The following TRAK1 variants were observed in gnomAD, a reference collection of about 807,000 sequenced individuals.
TRAK1 encodes the protein trafficking kinesin protein 1, also known as trafficking kinesin-binding protein 1.
A neutral mutation model predicts 92.1 loss-of-function variants in TRAK1; 33 were observed. The ratio of observed to expected loss-of-function variants is 0.36; its 90% CI spans 0.27 to 0.48. TRAK1 has a LOEUF of 0.48. Ranked by LOEUF, TRAK1 falls within the 20% of genes least tolerant of loss-of-function variation. TRAK1 has a pLI of 0.99. For synonymous variants in TRAK1, 521 were observed against 517.3 expected, an observed-to-expected ratio of 1.01 and a Z score of -0.10; for missense variants, 1,123 against 1,257.9, an observed-to-expected ratio of 0.89 and a Z score of 1.62.
At chr3:42,162,578 T>C (rs1388076223) in intron 2 of TRAK1, among the ~76,000 whole-genome samples, 1 of 152,208 alleles carries the variant, frequency 6.6e-6, no homozygotes, top group Non-Finnish European at 1.5e-5. Context: ...CAACAGTTCC[T>C]TTCCTGTAAT....
At chr3:42,167,692 A>T (rs1702040383) in intron 2 of TRAK1, among the ~76,000 whole-genome samples, 1 of 152,192 alleles carries the variant, frequency 6.6e-6, no homozygotes, top group South Asian at 2.1e-4. Flanking sequence ...CATCCTGGCT[A>T]ACATGATGAA....
chr3:42,024,891 C>G (rs954527594), intron 1 of TRAK1, among the ~76,000 whole-genome samples: 1 of 152,134 alleles, frequency 6.6e-6, no homozygotes, highest in African/African-American at 2.4e-5. Context: ...GTGAGAGATC[C>G]CAGATTTTTC....
At chr3:42,030,845 A>T (rs1165432808) in intron 1 of TRAK1, among the ~76,000 whole-genome samples, 9 of 151,058 alleles carry the variant, frequency 6.0e-5, no homozygotes, top group African/African-American at 2.2e-4. Context: ...GAAGTAGTGG[A>T]TGAAGAAGGA....
chr3:42,093,593 T>A (rs919464642), intron 1 of TRAK1, among the ~76,000 whole-genome samples: 2 of 150,502 alleles, frequency 1.3e-5, no homozygotes, highest in Non-Finnish European at 3.0e-5. Context: ...TTGAAACAAA[T>A]TTTTTTCTCT....
rs58499768 is a variant in TRAK1 at position 42,176,780 on chromosome 3, T to C, written c.287-34T>C. On this transcript the variant is annotated intron_variant, in intron 2 of 15. Transcript: ENST00000327628. The stretch of plus-strand genomic sequence containing the variant: ...TCATTTGTTTGGCAGGTTTGTGACA[T>C]TGGGAGTCTCATTGTCATTTTTATT... The C allele has an allele frequency of 1.2e-3, 1,865 of 1,579,074 alleles. 15 individuals are homozygous for C. The African/African-American group carries it at 0.023, about 19-fold the overall frequency.
At chr3:42,218,685 C>T (rs1274340653) in intron 14 of TRAK1, 2 of 985,202 alleles carry the variant, frequency 2.0e-6, no homozygotes, top group East Asian at 2.3e-4. Context: ...TCTTCAGCCA[C>T]CTCAGCAATA....
chr3:42,146,060 T>C, intron 2 of TRAK1: 5 of 446,430 alleles, frequency 1.1e-5, no homozygotes, highest in South Asian at 9.0e-5. Context: ...TTGGTTCTTC[T>C]GAGTAAGAAA....
intron 1 of TRAK1, among the ~76,000 whole-genome samples, chr3:42,072,104 G>A (rs1440142374): frequency 2.0e-5 from 3 of 152,322 alleles, no homozygotes; most frequent in East Asian, 3.9e-4. Context: ...TCAGGCTGGC[G>A]TCGTGCCCCT....
At chr3:42,086,298 C>T (rs569341440), upstream of TRAK1, among the ~76,000 whole-genome samples, 4 of 141,710 alleles carry the variant, frequency 2.8e-5, no homozygotes, top group South Asian at 6.6e-4. Flanking sequence ...TCATCAGATT[C>T]TTCTTTTTCT....
chr3:42,051,494 A>G (rs1165711578), intron 1 of TRAK1: 1 of 152,212 alleles, frequency 6.6e-6, no homozygotes, highest in East Asian at 1.9e-4. Context: ...ATGCCTTCTC[A>G]TTTTCCACCA....
In TRAK1 at chr3:42,224,246, G is replaced by A. The variant is rs1710622993; in HGVS notation, c.*509G>A. The A allele has an allele frequency of 2.8e-6, 1 of 352,704 alleles. No homozygotes were observed. The highest frequency in any genetic ancestry group is 1.1e-4 in the East Asian group (1 of 9,456). 21.8% of individuals were successfully genotyped at this position (352,704 alleles called of 1,614,324 possible). A position where few individuals can be genotyped will look rare whatever the true frequency, so the allele number is the denominator to read the frequency against. ...TCCTCAGCCACGTGCAGCTGACGTG[G>A]CTTTCCTGATCGGAGGGCTTTTCTT... On this transcript the variant is annotated 3_prime_UTR_variant, in exon 16 of 16. Coordinates refer to ENST00000327628, the MANE Select transcript of TRAK1 (RefSeq NM_001042646.3).
At chr3:42,152,284 C>T (rs1700050198) in intron 2 of TRAK1, among the ~76,000 whole-genome samples, 1 of 152,084 alleles carries the variant, frequency 6.6e-6, no homozygotes, top group South Asian at 2.1e-4. Flanking sequence ...GGTTGATTAC[C>T]CAGTGTCTTC....
intron 2 of TRAK1, among the ~76,000 whole-genome samples, chr3:42,151,993 G>A (rs1700012199): frequency 6.6e-6 from 1 of 152,192 alleles, no homozygotes; most frequent in East Asian, 1.9e-4. Flanking sequence ...TGCAGTGTTA[G>A]CACTGAAAAA....
At position 42,169,671 on chromosome 3, in the gene TRAK1, CAAA is replaced by C. The variant is rs10710580; in HGVS notation, c.287-7129_287-7127del. On this transcript the variant is annotated intron_variant, in intron 2 of 15. Transcript: ENST00000327628. Reference sequence around the variant, plus strand: ...GAGCAACAAGAGCAAAACTCCATCTCAAAAAAAAAAAAAAAAGTGGGGATAAAA... The same window carrying C: ...GAGCAACAAGAGCAAAACTCCATCTCAAAAAAAAAAAAAGTGGGGATAAAA... 6.5e-4 allele frequency among the ~76,000 whole-genome samples: 91 copies of C among 139,836 alleles called. No individual in the cohort carries two copies. In the South Asian group the frequency reaches 0.01, roughly 16 times the overall value. The allele number at this position is 139,836 out of a possible 152,430, so 91.7% of individuals were successfully genotyped here.
chr3:42,088,943 G>A (rs1010164777), upstream of TRAK1, among the ~76,000 whole-genome samples: 4 of 152,022 alleles, frequency 2.6e-5, no homozygotes, highest in Non-Finnish European at 4.4e-5. Context: ...TTTTAAAATC[G>A]CCTTCTGTAC....
chr3:42,115,857 A>G (rs1424646808), intron 1 of TRAK1, among the ~76,000 whole-genome samples: 1 of 152,142 alleles, frequency 6.6e-6, no homozygotes, highest in South Asian at 2.1e-4. Flanking sequence ...GTGGAGTCGG[A>G]GGTCTTGCTT....
At position 42,023,727 on chromosome 3, in the gene TRAK1, TTGACGTGC is replaced by T. The variant is rs556732208; in HGVS notation, c.-519+9612_-519+9619del. On this transcript the variant is annotated intron_variant, in intron 1 of 16. Transcript: ENST00000487159. The stretch of plus-strand genomic sequence containing the variant: ...GGGTCTTGTTTTGAATGTGCTGAGT[TTGACGTGC>T]TCGTGAGGGTTTTTTTTTTTTTTTT... 8.0e-3 allele frequency among the ~76,000 whole-genome samples: 1,210 copies of T among 150,674 alleles called. 12 individuals are homozygous for T. The highest frequency in any genetic ancestry group is 0.014 in the Non-Finnish European group (919 of 67,722).
intron 4 of TRAK1, among the ~76,000 whole-genome samples, chr3:42,185,673 CTT>C (rs11376284): frequency 1.2e-4 from 17 of 136,596 alleles, no homozygotes; most frequent in African/African-American, 2.2e-4. Flanking sequence ...TTATTCCTTT[CTT>C]TTTTTTTTTT....
intron 1 of TRAK1, among the ~76,000 whole-genome samples, chr3:42,121,468 C>T (rs538364086): frequency 5.7e-4 from 86 of 152,036 alleles, no homozygotes; most frequent in African/African-American, 2.0e-3. Flanking sequence ...ACCATGTTAG[C>T]CAGGATGGTC....
Sources: gnomAD v4.1 joint callset for allele counts (sites outside exome capture counted in the v4.1 genomes callset) on GRCh38, gnomAD v4.1.1 for gene constraint, MANE v1.5 for transcripts, NCBI Gene and HGNC (gene_info 2026-07-23, HGNC 2026-07-21) for gene names.